Variants in MRPS28 observed in about 807,000 individuals in gnomAD.
MRPS28 encodes the protein small ribosomal subunit protein bS1m.
MRPS28 carries 7 observed loss-of-function variants against 10.8 expected under a neutral mutation model. That is an observed-to-expected ratio of 0.65 (90% CI 0.37 to 1.22). The LOEUF (loss-of-function observed/expected upper bound fraction) is 1.22, where lower values mean the gene tolerates loss of function less well. MRPS28 is among the 50% of genes most tolerant of loss of function. The pLI, the probability that MRPS28 is intolerant of heterozygous loss-of-function variation, is 0.02. For synonymous variants in MRPS28, 121 were observed against 93.3 expected, an observed-to-expected ratio of 1.30 and a Z score of -1.71; for missense variants, 265 against 232.9, an observed-to-expected ratio of 1.14 and a Z score of -0.90.
intron 1 of MRPS28, among the ~76,000 whole-genome samples, chr8:80,020,144 G>A (rs1006881130): frequency 6.6e-6 from 1 of 152,188 alleles, no homozygotes; most frequent in African/African-American, 2.4e-5. Context: ...GGTTGAAAGG[G>A]TTATTATCAA....
At chr8:79,922,331 T>TA (rs1810116473) in intron 2 of MRPS28, among the ~76,000 whole-genome samples, 1 of 152,154 alleles carries the variant, frequency 6.6e-6, no homozygotes, top group African/African-American at 2.4e-5. Context: ...CTCCTGTGGT[T>TA]ACCAGGTCAA....
intron 1 of MRPS28, chr8:80,028,873 A>C (rs1453045099): frequency 6.5e-6 from 1 of 153,592 alleles, no homozygotes; most frequent in East Asian, 1.9e-4. Context: ...AAGCAGGAGG[A>C]TCACTTGAGC....
chr8:79,919,418 G>GT (rs1160042817), intron 2 of MRPS28, among the ~76,000 whole-genome samples: 10 of 151,480 alleles, frequency 6.6e-5, no homozygotes, highest in Admixed American at 6.6e-4. Context: ...AGAGCTTACC[G>GT]TAACTTCAAA....
At chr8:80,024,363 G>C (rs1166956263) in intron 1 of MRPS28, among the ~76,000 whole-genome samples, 1 of 152,186 alleles carries the variant, frequency 6.6e-6, no homozygotes, top group Non-Finnish European at 1.5e-5. Flanking sequence ...GATGAGTATG[G>C]AACCTACAAC....
intron 2 of MRPS28, among the ~76,000 whole-genome samples, chr8:79,978,201 C>T (rs1807852685): frequency 6.6e-6 from 1 of 152,094 alleles, no homozygotes; most frequent in South Asian, 2.1e-4. Context: ...TAATACTTAA[C>T]AGTAAAGTGA....
At chr8:80,005,969 A>C (rs1472862484) in intron 1 of MRPS28, among the ~76,000 whole-genome samples, 1 of 152,228 alleles carries the variant, frequency 6.6e-6, no homozygotes, top group Non-Finnish European at 1.5e-5. Flanking sequence ...ATACAGGAGC[A>C]CCCAGATTCA....
chr8:80,002,675 C>CA (rs1339668699), intron 2 of MRPS28, among the ~76,000 whole-genome samples: 14 of 152,026 alleles, frequency 9.2e-5, no homozygotes, highest in African/African-American at 3.4e-4. Flanking sequence ...AGAGAAGGGA[C>CA]AAAAAAATGG....
intron 2 of MRPS28, among the ~76,000 whole-genome samples, chr8:79,932,264 A>G (rs920276173): frequency 2.0e-5 from 3 of 152,228 alleles, no homozygotes; most frequent in Admixed American, 2.0e-4. Context: ...TAAGTGTTGT[A>G]CAGAAAATAA....
chr8:79,927,803 A>C (rs938464250), intron 2 of MRPS28, among the ~76,000 whole-genome samples: 3 of 152,196 alleles, frequency 2.0e-5, no homozygotes, highest in Non-Finnish European at 4.4e-5. Flanking sequence ...CCAAATACTT[A>C]AGAGACTGTT....
chr8:80,013,976 A>G (rs1172610733), intron 1 of MRPS28, among the ~76,000 whole-genome samples: 1 of 152,206 alleles, frequency 6.6e-6, no homozygotes, highest in Non-Finnish European at 1.5e-5. Flanking sequence ...ATAAACTCTC[A>G]ATATTGAAGA....
At chr8:80,005,459 C>T (rs1000426691) in intron 1 of MRPS28, among the ~76,000 whole-genome samples, 9 of 152,152 alleles carry the variant, frequency 5.9e-5, no homozygotes, top group Admixed American at 3.3e-4. Flanking sequence ...CACCACCAGG[C>T]CTGCCCTAAA....
At chr8:79,940,896 C>T (rs1013294024) in intron 2 of MRPS28, among the ~76,000 whole-genome samples, 1 of 152,146 alleles carries the variant, frequency 6.6e-6, no homozygotes, top group African/African-American at 2.4e-5. Context: ...CAATGAAGCA[C>T]GCAACATTGA....
At chr8:80,004,609 G>A (rs1166800382) in intron 1 of MRPS28, among the ~76,000 whole-genome samples, 2 of 152,188 alleles carry the variant, frequency 1.3e-5, no homozygotes, top group Non-Finnish European at 1.5e-5. Context: ...GCAGCTCCTT[G>A]CCAGCAATGG....
At chr8:80,007,735 A>G (rs563563098) in intron 1 of MRPS28, among the ~76,000 whole-genome samples, 11 of 152,320 alleles carry the variant, frequency 7.2e-5, no homozygotes, top group Admixed American at 4.6e-4. Context: ...GGACCTCTTC[A>G]AGGAGAACTA....
intron 2 of MRPS28, among the ~76,000 whole-genome samples, chr8:79,930,393 T>G (rs1210651916): frequency 1.3e-5 from 2 of 152,252 alleles, no homozygotes; most frequent in Non-Finnish European, 2.9e-5. Context: ...TTTGTAACAC[T>G]GCACTACACT....
chr8:79,945,585 T>C (rs929282445), intron 2 of MRPS28, among the ~76,000 whole-genome samples: 1 of 152,166 alleles, frequency 6.6e-6, no homozygotes, highest in South Asian at 2.1e-4. Context: ...TTGCAAAACA[T>C]TTTGAAAATA....
intron 2 of MRPS28, among the ~76,000 whole-genome samples, chr8:79,954,876 C>T (rs770487215): frequency 2.6e-5 from 4 of 152,046 alleles, no homozygotes; most frequent in East Asian, 1.9e-4. Flanking sequence ...AGGTGTGCAC[C>T]GTAGTCCCAG....
chr8:80,011,935 TA>T lies in MRPS28; in HGVS notation c.214-8756del, dbSNP rs1809063361. Among the ~76,000 whole-genome samples, 3 of 152,194 alleles carry T rather than the reference TA, an allele frequency of 2.0e-5. No homozygotes were observed. In the South Asian group the frequency reaches 6.2e-4, roughly 32 times the overall value. On this transcript the variant is annotated intron_variant, in intron 1 of 2. Transcript: ENST00000276585. ...TGTGAAGAGATGTTTGAGCTAAGATTAGTATAATAGTAAGTGGTATTTTCCC... is the reference window on the plus strand; with the variant it reads ...TGTGAAGAGATGTTTGAGCTAAGATTGTATAATAGTAAGTGGTATTTTCCC...
chr8:79,929,609 C>A (rs1320247036), intron 2 of MRPS28, among the ~76,000 whole-genome samples: 1 of 151,166 alleles, frequency 6.6e-6, no homozygotes, highest in African/African-American at 2.4e-5. Flanking sequence ...ATATTGTATG[C>A]CCCCACCCCC....
Sources: gnomAD v4.1 joint callset for allele counts (sites outside exome capture counted in the v4.1 genomes callset) on GRCh38, gnomAD v4.1.1 for gene constraint, MANE v1.5 for transcripts, NCBI Gene and HGNC (gene_info 2026-07-23, HGNC 2026-07-21) for gene names.